Variants in PLD5 observed in about 807,000 individuals in gnomAD.
The protein encoded by PLD5 is inactive phospholipase D5.
Under a neutral mutation model 61.1 loss-of-function variants are expected in PLD5, and 36 were observed. The ratio of observed to expected loss-of-function variants is 0.59; its 90% CI spans 0.45 to 0.78. The LOEUF is 0.78. PLD5 is among the 30% of genes least tolerant of loss of function. The pLI is 0.00. For missense variants in PLD5, 515 were observed against 644.4 expected (o/e 0.80, Z 2.17); for synonymous variants, 243 against 242.8 (o/e 1.00, Z -0.01).
intron 1 of PLD5, among the ~76,000 whole-genome samples, chr1:242,356,297 C>T (rs1660749872): frequency 6.6e-6 from 1 of 151,830 alleles, no homozygotes; most frequent in Admixed American, 6.6e-5. Context: ...GATAAATTGA[C>T]CCCTTTATCA....
chr1:242,160,767 C>A (rs996541171), intron 5 of PLD5, among the ~76,000 whole-genome samples: 3 of 152,012 alleles, frequency 2.0e-5, no homozygotes, highest in Admixed American at 6.6e-5. Context: ...CGCCTGTAGT[C>A]CCAGCTACTC....
intron 6 of PLD5, among the ~76,000 whole-genome samples, chr1:242,121,744 C>T (rs140087180): frequency 0.017 from 2,640 of 152,040 alleles, 39 homozygotes; most frequent in Middle Eastern, 0.024. Flanking sequence ...ATATACACCA[C>T]GGAATACTAT....
chr1:242,116,066 C>T (rs1168426663), intron 6 of PLD5, among the ~76,000 whole-genome samples: 1 of 788 alleles, frequency 1.3e-3, no homozygotes, highest in Non-Finnish European at 3.3e-3. Context: ...ATAAATAATG[C>T]CAGGGCATTA....
chr1:242,332,772 G>A (rs1229463213), intron 2 of PLD5, among the ~76,000 whole-genome samples: 1 of 152,190 alleles, frequency 6.6e-6, no homozygotes. Context: ...TTTCTAATGG[G>A]AATTTTCAAT....
At chr1:242,294,566 C>G (rs538965224) in intron 2 of PLD5, among the ~76,000 whole-genome samples, 31 of 152,074 alleles carry the variant, frequency 2.0e-4, no homozygotes, top group Non-Finnish European at 2.8e-4. Context: ...TTGTAGAGAA[C>G]AGTTTAAAAG....
intron 5 of PLD5, among the ~76,000 whole-genome samples, chr1:242,126,730 C>G (rs1662815580): frequency 6.6e-6 from 1 of 152,118 alleles, no homozygotes; most frequent in South Asian, 2.1e-4. Flanking sequence ...CTGGAAAAAC[C>G]CTTCTAGACA....
intron 4 of PLD5, among the ~76,000 whole-genome samples, chr1:242,262,913 AC>A (rs1558408768): frequency 6.6e-6 from 1 of 152,020 alleles, no homozygotes; most frequent in African/African-American, 2.4e-5. Context: ...ATTTACAGGG[AC>A]CCTTGTGTAA....
chr1:242,440,454 GAATA>G lies in PLD5; in HGVS notation c.189+83630_189+83633del, dbSNP rs375691823. On this transcript the variant is annotated intron_variant, in intron 1 of 9. Coordinates refer to ENST00000536534, the MANE Select transcript of PLD5 (RefSeq NM_001372062.1). ...TCCTAAATCATCAGTGCTTGATGCA[GAATA>G]ATTAAAGACTGAGCATGATTCACAT... Among the ~76,000 whole-genome samples the G allele has an allele frequency of 7.4e-3, 1,120 of 152,274 alleles. 18 individuals carry two copies. The highest frequency in any genetic ancestry group is 0.026 in the African/African-American group (1,065 of 41,546).
chr1:242,137,578 G>T (rs1301610403), intron 5 of PLD5, among the ~76,000 whole-genome samples: 2 of 152,124 alleles, frequency 1.3e-5, no homozygotes, highest in African/African-American at 4.8e-5. Flanking sequence ...AATCTTGTAG[G>T]GGGAAATGTG....
At chr1:242,147,120 A>T (rs898053562) in intron 5 of PLD5, among the ~76,000 whole-genome samples, 1 of 152,208 alleles carries the variant, frequency 6.6e-6, no homozygotes, top group Admixed American at 6.5e-5. Context: ...CAAGATACAC[A>T]ACAGTGCCAT....
intron 1 of PLD5, among the ~76,000 whole-genome samples, chr1:242,385,688 A>G (rs1295156502): frequency 1.3e-5 from 2 of 152,210 alleles, no homozygotes; most frequent in Non-Finnish European, 2.9e-5. Flanking sequence ...GGAAAGAAGT[A>G]AGCATTTACC....
chr1:242,162,490 G>T lies in PLD5; in HGVS notation c.736-37825C>A, dbSNP rs74150817. On this transcript the variant is annotated intron_variant, in intron 5 of 9. Transcript: ENST00000536534. ...CCTAAAATGCAAAGAAAATTGTGTA[G>T]CCCAAATCCCCAGGAAGCCAGTGTC... Among the ~76,000 whole-genome samples, 1,361 of 152,188 alleles carry T rather than the reference G, an allele frequency of 8.9e-3. 22 individuals carry two copies. The highest frequency in any genetic ancestry group is 0.031 in the African/African-American group (1,274 of 41,510).
intron 3 of PLD5, among the ~76,000 whole-genome samples, chr1:242,287,556 C>T (rs2149136137): frequency 6.6e-6 from 1 of 151,914 alleles, no homozygotes; most frequent in South Asian, 2.1e-4. Context: ...TTCAAAGTAC[C>T]AATGAGATCA....
chr1:242,504,828 A>G (rs1668669426), intron 1 of PLD5, among the ~76,000 whole-genome samples: 2 of 152,150 alleles, frequency 1.3e-5, no homozygotes, highest in Non-Finnish European at 2.9e-5. Context: ...CTTGCACATC[A>G]TAACTCTGCT....
chr1:242,336,523 G>A (rs1192654496), intron 2 of PLD5, among the ~76,000 whole-genome samples: 2 of 152,118 alleles, frequency 1.3e-5, no homozygotes, highest in South Asian at 2.1e-4. Flanking sequence ...GAAAAAAATC[G>A]TTCATGGTAC....
chr1:242,219,890 T>G, intron 5 of PLD5, 98 bp downstream of exon 5: 1 of 1,430,240 alleles, frequency 7.0e-7, no homozygotes, highest in Non-Finnish European at 9.5e-7. Context: ...TAATAAATGC[T>G]GTAGGTTTTA....
intron 1 of PLD5, among the ~76,000 whole-genome samples, chr1:242,470,032 G>T (rs753523477): frequency 3.9e-5 from 6 of 152,266 alleles, no homozygotes; most frequent in South Asian, 4.1e-4. Context: ...AAGCAAACCA[G>T]ATGGGTGCCA....
At chr1:242,186,739 T>TAATC (rs1343484303) in intron 5 of PLD5, among the ~76,000 whole-genome samples, 3 of 152,192 alleles carry the variant, frequency 2.0e-5, no homozygotes, top group Non-Finnish European at 4.4e-5. Flanking sequence ...CAGTATAGTA[T>TAATC]AATCAACATT....
intron 1 of PLD5, among the ~76,000 whole-genome samples, chr1:242,506,144 G>A (rs920697426): frequency 2.0e-5 from 3 of 152,152 alleles, no homozygotes; most frequent in African/African-American, 4.8e-5. Context: ...GGGGAACCTC[G>A]AGAGGTTCAA....
Sources: gnomAD v4.1 joint callset for allele counts (sites outside exome capture counted in the v4.1 genomes callset) on GRCh38, gnomAD v4.1.1 for gene constraint, MANE v1.5 for transcripts, NCBI Gene and HGNC (gene_info 2026-07-23, HGNC 2026-07-21) for gene names.